Variants in PRDM16 observed in about 807,000 individuals in gnomAD.
PRDM16 encodes histone-lysine N-methyltransferase PRDM16.
A neutral mutation model predicts 110.6 loss-of-function variants in PRDM16; 23 were observed. The observed-to-expected ratio is 0.21, with a 90% CI of 0.15 to 0.29. The LOEUF (loss-of-function observed/expected upper bound fraction) is 0.29. Ranked by LOEUF, PRDM16 falls within the 10% of genes least tolerant of loss-of-function variation. The pLI is 1.00. For missense variants in PRDM16, 1,615 were observed against 1,794.3 expected, an observed-to-expected ratio of 0.90 and a Z score of 1.81; for synonymous variants, 799 against 781.8, an observed-to-expected ratio of 1.02 and a Z score of -0.37.
At chr1:3,129,967 A>G (rs930445892) in intron 1 of PRDM16, among the ~76,000 whole-genome samples, 15 of 152,252 alleles carry the variant, frequency 9.9e-5, no homozygotes, top group African/African-American at 3.1e-4. Flanking sequence ...GGCATCCAAA[A>G]GCGTTGATGG....
intron 3 of PRDM16, among the ~76,000 whole-genome samples, chr1:3,327,266 C>T (rs1641934395): frequency 6.6e-6 from 1 of 152,260 alleles, no homozygotes; most frequent in Non-Finnish European, 1.5e-5. Flanking sequence ...ATGCAGAACT[C>T]TGCCTGTGAG....
At chr1:3,182,429 G>T (rs1644222307) in intron 1 of PRDM16, among the ~76,000 whole-genome samples, 1 of 152,306 alleles carries the variant, frequency 6.6e-6, no homozygotes, top group Admixed American at 6.5e-5. Flanking sequence ...CTGATCTGTG[G>T]CCTCTTCTCT....
At chr1:3,172,558 C>T (rs1018541368) in intron 1 of PRDM16, among the ~76,000 whole-genome samples, 1 of 152,252 alleles carries the variant, frequency 6.6e-6, no homozygotes, top group Admixed American at 6.5e-5. Context: ...CAGTGTCCAT[C>T]CACAGATGAA....
At chr1:3,349,502 T>C (rs570566730) in intron 3 of PRDM16, among the ~76,000 whole-genome samples, 1 of 152,208 alleles carries the variant, frequency 6.6e-6, no homozygotes, top group East Asian at 1.9e-4. Flanking sequence ...TGGGTGCCCA[T>C]GGGGCTTGGC....
At chr1:3,247,545 A>G (rs1322684493) in intron 3 of PRDM16, among the ~76,000 whole-genome samples, 1 of 152,174 alleles carries the variant, frequency 6.6e-6, no homozygotes, top group Non-Finnish European at 1.5e-5. Context: ...AGCCACCGCC[A>G]GGCGCAGGGG....
At chr1:3,219,895 G>A (rs556454171) in intron 2 of PRDM16, among the ~76,000 whole-genome samples, 12 of 152,276 alleles carry the variant, frequency 7.9e-5, no homozygotes, top group Admixed American at 2.6e-4. Context: ...GAGGTCCCCC[G>A]GATCCACGGA....
intron 3 of PRDM16, among the ~76,000 whole-genome samples, chr1:3,253,917 G>A (rs1334863080): frequency 1.3e-5 from 2 of 152,156 alleles, no homozygotes; most frequent in Non-Finnish European, 1.5e-5. Flanking sequence ...GGTGTGAGAT[G>A]GTATCTCATT....
chr1:3,150,257 T>C (rs1643750761), intron 1 of PRDM16, among the ~76,000 whole-genome samples: 1 of 152,154 alleles, frequency 6.6e-6, no homozygotes, highest in Non-Finnish European at 1.5e-5. Flanking sequence ...CTTGGCTATC[T>C]AAAAATTGAG....
intron 1 of PRDM16, among the ~76,000 whole-genome samples, chr1:3,162,852 G>A (rs1319032703): frequency 2.2e-5 from 3 of 134,524 alleles, no homozygotes; most frequent in African/African-American, 6.0e-5. Context: ...GTGGTGTCAG[G>A]GCCCCCGGCT....
intron 1 of PRDM16, among the ~76,000 whole-genome samples, chr1:3,102,673 T>G (rs1642560307): frequency 6.6e-6 from 1 of 152,194 alleles, no homozygotes; most frequent in South Asian, 2.1e-4. Flanking sequence ...TGCAGTTATC[T>G]CCAGCTGCTC....
intron 8 of PRDM16, among the ~76,000 whole-genome samples, chr1:3,408,815 G>A (rs1224669189): frequency 8.0e-5 from 11 of 137,704 alleles, no homozygotes; most frequent in Non-Finnish European, 1.2e-4. Context: ...AGCGCGTGTG[G>A]GCGCGTGAGC....
intron 1 of PRDM16, among the ~76,000 whole-genome samples, chr1:3,094,207 C>T (rs534652748): frequency 2.0e-5 from 3 of 152,344 alleles, no homozygotes; most frequent in South Asian, 2.1e-4. Flanking sequence ...CCTGGAGCCG[C>T]GGAGGAGACA....
chr1:3,221,490 C>T (rs570811109), intron 2 of PRDM16, among the ~76,000 whole-genome samples: 3 of 152,334 alleles, frequency 2.0e-5, no homozygotes, highest in South Asian at 2.1e-4. Context: ...CGGCCTGCAC[C>T]GACTCTCTAA....
intron 1 of PRDM16, among the ~76,000 whole-genome samples, chr1:3,129,731 G>A (rs12094494): frequency 0.031 from 4,735 of 152,262 alleles, 107 homozygotes; most frequent in African/African-American, 0.045. Context: ...CCTGTACGGA[G>A]CAGAAATCCC....
At chr1:3,114,782 C>T (rs1289436884) in intron 1 of PRDM16, among the ~76,000 whole-genome samples, 1 of 152,266 alleles carries the variant, frequency 6.6e-6, no homozygotes. Flanking sequence ...CTTCACCAAA[C>T]AGCCACCACT....
At chr1:3,220,580 C>G (rs1345669212) in intron 2 of PRDM16, among the ~76,000 whole-genome samples, 1 of 152,186 alleles carries the variant, frequency 6.6e-6, no homozygotes. Flanking sequence ...TGTGGTTCTC[C>G]TTGGCCTGAA....
intron 1 of PRDM16, among the ~76,000 whole-genome samples, chr1:3,101,925 T>C (rs1642542511): frequency 6.6e-6 from 1 of 152,220 alleles, no homozygotes; most frequent in Non-Finnish European, 1.5e-5. Flanking sequence ...GGCACAGTCT[T>C]TGCTGTCTGG....
rs1280535977 is a variant in PRDM16, at chr1:3,143,974, T to C, written c.38-42151T>C. 6.6e-6 allele frequency among the ~76,000 whole-genome samples: 1 copy of C among 152,208 alleles called. No individual in the cohort carries two copies. The highest frequency in any genetic ancestry group is 2.4e-5 in the African/African-American group (1 of 41,456). On this transcript the variant is annotated intron_variant, in intron 1 of 16. Coordinates refer to ENST00000270722, the MANE Select transcript of PRDM16 (RefSeq NM_022114.4). This position sits in a 1 kb window ranked among gnomAD's most constrained non-coding sequence, Gnocchi z 4.5. Reference sequence around the variant, plus strand: ...ACTTTTGAGGCCAGGGGGAAGATGCTAAGGGGTCCTCTTTGCCGCCTGTGA... The same window carrying C: ...ACTTTTGAGGCCAGGGGGAAGATGCCAAGGGGTCCTCTTTGCCGCCTGTGA...
chr1:3,408,951 G>T (rs1402231858), intron 8 of PRDM16, among the ~76,000 whole-genome samples: 1 of 149,534 alleles, frequency 6.7e-6, no homozygotes, highest in Admixed American at 6.7e-5. Flanking sequence ...AGAGTGAGGG[G>T]CGTGTGAGCC....
Sources: gnomAD v4.1 joint callset for allele counts (sites outside exome capture counted in the v4.1 genomes callset) on GRCh38, gnomAD v4.1.1 for gene constraint, Gnocchi (gnomAD v3.1) non-coding constraint, MANE v1.5 for transcripts, NCBI Gene and HGNC (gene_info 2026-07-23, HGNC 2026-07-21) for gene names.